The following MAN1A1 variants were observed in gnomAD, a reference collection of about 807,000 sequenced individuals.
MAN1A1 encodes mannosidase alpha class 1A member 1.
A neutral mutation model predicts 70.8 loss-of-function variants in MAN1A1; 29 were observed. The ratio of observed to expected loss-of-function variants is 0.41; its 90% CI spans 0.31 to 0.56. The LOEUF (loss-of-function observed/expected upper bound fraction) is 0.56. Among genes scored for constraint, MAN1A1 ranks in the 20% least tolerant of loss-of-function variants. The pLI, the probability that MAN1A1 is intolerant of heterozygous loss-of-function variation, is 0.29. For synonymous variants in MAN1A1, 349 were observed against 330.1 expected (o/e 1.06, Z -0.62); for missense variants, 747 against 841.3 (o/e 0.89, Z 1.39).
At chr6:119,193,149 TA>T (rs78002500) in intron 9 of MAN1A1, among the ~76,000 whole-genome samples, 7,074 of 150,708 alleles carry the variant, frequency 0.047, 207 homozygotes, top group East Asian at 0.082. Flanking sequence ...AACTGGGTAA[TA>T]ATCTCAAGTA....
At chr6:119,305,626 C>T (rs1049150325) in intron 3 of MAN1A1, among the ~76,000 whole-genome samples, 5 of 152,166 alleles carry the variant, frequency 3.3e-5, no homozygotes, top group African/African-American at 1.2e-4. Flanking sequence ...CCAGCTCTTT[C>T]TACCTGTTCT....
chr6:119,339,054 C>G (rs1773537222), intron 2 of MAN1A1, among the ~76,000 whole-genome samples: 1 of 152,090 alleles, frequency 6.6e-6, no homozygotes. Flanking sequence ...ATACAACTCA[C>G]AAGGAAGAAA....
At chr6:119,273,114 T>C (rs1051709836) in intron 5 of MAN1A1, among the ~76,000 whole-genome samples, 3 of 152,008 alleles carry the variant, frequency 2.0e-5, no homozygotes, top group South Asian at 2.1e-4. Flanking sequence ...TCTTTAGAGG[T>C]TGGAAAAACT....
intron 5 of MAN1A1, among the ~76,000 whole-genome samples, chr6:119,260,852 A>G (rs1775587206): frequency 6.6e-6 from 1 of 152,176 alleles, no homozygotes; most frequent in South Asian, 2.1e-4. Flanking sequence ...TGAAAATATC[A>G]GACTGAAATA....
At chr6:119,229,790 G>T (rs1392715252) in intron 6 of MAN1A1, among the ~76,000 whole-genome samples, 1 of 152,076 alleles carries the variant, frequency 6.6e-6, no homozygotes, top group East Asian at 1.9e-4. Context: ...ACATATATCT[G>T]CCCGTTCTGA....
rs1033156112 is a variant in MAN1A1 at position 119,179,705 on chromosome 6, G to A, written c.*114C>T. The A allele has an allele frequency of 2.2e-5, 21 of 957,994 alleles. No homozygotes were observed. Among genetic ancestry groups the A allele is most frequent in the Non-Finnish European group, 3.2e-5 (21 of 646,528 alleles). The allele number at this position is 957,994 out of a possible 1,614,324, so 59.3% of individuals were successfully genotyped here. A position where few individuals can be genotyped will look rare whatever the true frequency, so the allele number is the denominator to read the frequency against. ...CATAAAAGACTGCAAAACAATTTAAGAACTTAATCACAGACCTACTAATCA... is the reference window on the plus strand; with the variant it reads ...CATAAAAGACTGCAAAACAATTTAAAAACTTAATCACAGACCTACTAATCA... On this transcript the variant is annotated 3_prime_UTR_variant, in exon 13 of 13. Coordinates refer to ENST00000368468, the MANE Select transcript of MAN1A1 (RefSeq NM_005907.4).
intron 5 of MAN1A1, among the ~76,000 whole-genome samples, chr6:119,254,057 C>T (rs1261301528): frequency 6.6e-6 from 1 of 152,154 alleles, no homozygotes; most frequent in Non-Finnish European, 1.5e-5. Flanking sequence ...AAGAGAACAT[C>T]CTTCTACCTA....
chr6:119,278,625 T>TTA (rs1251944720), intron 5 of MAN1A1, among the ~76,000 whole-genome samples: 3 of 152,164 alleles, frequency 2.0e-5, no homozygotes, highest in East Asian at 3.8e-4. Flanking sequence ...TGATAATAGA[T>TTA]ATCTGTCCCC....
At chr6:119,289,710 T>C (rs2114416002) in intron 5 of MAN1A1, among the ~76,000 whole-genome samples, 1 of 151,914 alleles carries the variant, frequency 6.6e-6, no homozygotes, top group East Asian at 1.9e-4. Context: ...AGAGAGGAAA[T>C]GTAAGATTGT....
chr6:119,212,880 T>C (rs1774092680), intron 6 of MAN1A1, among the ~76,000 whole-genome samples: 3 of 152,230 alleles, frequency 2.0e-5, no homozygotes, highest in Admixed American at 2.0e-4. Context: ...GCCTAATACA[T>C]TCTTTATCAC....
chr6:119,253,555 G>A (rs1775382794), intron 5 of MAN1A1, among the ~76,000 whole-genome samples: 1 of 152,156 alleles, frequency 6.6e-6, no homozygotes, highest in Non-Finnish European at 1.5e-5. Flanking sequence ...TCCACAATCA[G>A]AAGGATGCAG....
chr6:119,220,068 C>T (rs1292595983), intron 6 of MAN1A1, among the ~76,000 whole-genome samples: 1 of 152,022 alleles, frequency 6.6e-6, no homozygotes. Context: ...AAAAGTTGTT[C>T]TCTTTATTCC....
intron 3 of MAN1A1, among the ~76,000 whole-genome samples, chr6:119,302,327 T>A (rs1157290492): frequency 6.6e-6 from 1 of 151,866 alleles, no homozygotes; most frequent in African/African-American, 2.4e-5. Flanking sequence ...TTCTGAGTTA[T>A]AAAAATAAAT....
chr6:119,188,700 C>CTA (rs1773358480), intron 10 of MAN1A1, 123 bp from the exon 11 acceptor site: 1 of 880,744 alleles, frequency 1.1e-6, no homozygotes, highest in African/African-American at 1.7e-5. Context: ...GTTCCAGGAC[C>CTA]CTCCGAGGAT....
chr6:119,245,766 C>A (rs1775152803), intron 6 of MAN1A1, among the ~76,000 whole-genome samples: 1 of 152,066 alleles, frequency 6.6e-6, no homozygotes, highest in Admixed American at 6.6e-5. Context: ...CAATTTCATC[C>A]AGTTTAACTT....
chr6:119,290,797 T>C (rs1312956155), intron 4 of MAN1A1, 34 bp from the exon 5 acceptor site: 2 of 1,317,940 alleles, frequency 1.5e-6, no homozygotes, highest in South Asian at 1.2e-5. Flanking sequence ...ATGATGATAG[T>C]ACACAATTCA....
intron 3 of MAN1A1, among the ~76,000 whole-genome samples, chr6:119,302,848 T>G (rs752990051): frequency 6.6e-6 from 1 of 152,088 alleles, no homozygotes; most frequent in African/African-American, 2.4e-5. Context: ...AAAATGAAAT[T>G]TCACCCCCGT....
chr6:119,346,466 G>A lies in MAN1A1; in HGVS notation c.603+1997C>T, dbSNP rs568817003. Among the ~76,000 whole-genome samples the A allele has an allele frequency of 7.2e-5, 11 of 152,298 alleles. No individual in the cohort carries two copies. The East Asian group carries it at 1.5e-3, about 21-fold the overall frequency. ...TCTCACAGCAACAAGGAATTTTAAA[G>A]AACACATTTAGTTCCACTGCTTTAT... On this transcript the variant is annotated intron_variant, in intron 2 of 12. Transcript: ENST00000368468.
Position 119,189,531 on chromosome 6 carries a change from C to T in MAN1A1, c.1546+133G>A, listed in dbSNP as rs941476707. Reference sequence around the variant, plus strand: ...TGCCTTTTAAAATAAAATATACATTCCTTTGAGACATTAATCACGATCATC... The same window carrying T: ...TGCCTTTTAAAATAAAATATACATTTCTTTGAGACATTAATCACGATCATC... On this transcript the variant is annotated intron_variant, in intron 10 of 12. Transcript: ENST00000368468. The T allele has an allele frequency of 3.8e-6, 3 of 781,282 alleles. No individual in the cohort carries two copies. In the African/African-American group the frequency reaches 5.2e-5, roughly 13 times the overall value. 48.4% of individuals were successfully genotyped at this position (781,282 alleles called of 1,614,324 possible).
Sources: allele counts gnomAD v4.1 joint callset (sites outside exome capture counted in the v4.1 genomes callset), GRCh38; gene constraint gnomAD v4.1.1; transcripts MANE v1.5; gene names NCBI Gene and HGNC (gene_info 2026-07-23, HGNC 2026-07-21).